Variants in LRMDA observed in about 807,000 individuals in gnomAD.
LRMDA encodes the protein leucine-rich melanocyte differentiation-associated protein.
A neutral mutation model predicts 29.8 loss-of-function variants in LRMDA; 18 were observed. That is an observed-to-expected ratio of 0.60 (90% CI 0.42 to 0.90). The LOEUF is 0.90. Among genes scored for constraint, LRMDA ranks in the 40% least tolerant of loss-of-function variants. The pLI is 0.00. For synonymous variants in LRMDA, 125 were observed against 109.4 expected (o/e 1.14, Z -0.89); for missense variants, 273 against 273.9 (o/e 1.00, Z 0.02).
At chr10:76,369,123 G>T (rs184873410) in intron 6 of LRMDA, among the ~76,000 whole-genome samples, 10 of 152,274 alleles carry the variant, frequency 6.6e-5, no homozygotes, top group South Asian at 2.1e-4. Context: ...GAAATGTGAG[G>T]TGCTGTTGCT....
chr10:76,220,834 A>G (rs1851819282), intron 5 of LRMDA, among the ~76,000 whole-genome samples: 1 of 152,222 alleles, frequency 6.6e-6, no homozygotes, highest in Non-Finnish European at 1.5e-5. Context: ...AGAACTTTAG[A>G]CCAATATCCT....
chr10:76,362,923 A>T (rs1475593382), intron 6 of LRMDA, among the ~76,000 whole-genome samples: 2 of 151,368 alleles, frequency 1.3e-5, no homozygotes, highest in East Asian at 1.9e-4. Flanking sequence ...CTGATTTTCT[A>T]TTTTACCAGC....
At chr10:75,951,072 C>T (rs1203985516) in intron 2 of LRMDA, among the ~76,000 whole-genome samples, 1 of 152,180 alleles carries the variant, frequency 6.6e-6, no homozygotes, top group African/African-American at 2.4e-5. Flanking sequence ...TCATTCCTGG[C>T]AGCTGCTACC....
At chr10:75,452,250 C>T (rs1844469783) in intron 2 of LRMDA, among the ~76,000 whole-genome samples, 5 of 152,050 alleles carry the variant, frequency 3.3e-5, no homozygotes, top group South Asian at 2.1e-4. Flanking sequence ...TTTTTGTTGG[C>T]GTCTCGATGC....
At chr10:75,620,652 A>G (rs1243890695) in intron 2 of LRMDA, among the ~76,000 whole-genome samples, 1 of 152,040 alleles carries the variant, frequency 6.6e-6, no homozygotes. Flanking sequence ...CATCACTCCA[A>G]TTTTGACTTG....
intron 6 of LRMDA, among the ~76,000 whole-genome samples, chr10:76,399,320 C>T (rs1841823195): frequency 1.3e-5 from 2 of 152,278 alleles, no homozygotes; most frequent in South Asian, 4.1e-4. Flanking sequence ...AAGTAGTTGG[C>T]TCTTGGCAGA....
At chr10:76,230,553 G>T (rs1298112812) in intron 5 of LRMDA, among the ~76,000 whole-genome samples, 1 of 117,188 alleles carries the variant, frequency 8.5e-6, no homozygotes. Context: ...TGTTAAGAGG[G>T]CAAAAAAAAA....
chr10:76,256,036 A>G (rs1175208805), intron 5 of LRMDA, among the ~76,000 whole-genome samples: 1 of 152,224 alleles, frequency 6.6e-6, no homozygotes, highest in African/African-American at 2.4e-5. Context: ...AGCTCTCTCA[A>G]GAAAATCTGA....
intron 6 of LRMDA, among the ~76,000 whole-genome samples, chr10:76,333,580 A>G (rs981761457): frequency 6.6e-6 from 1 of 152,160 alleles, no homozygotes; most frequent in Non-Finnish European, 1.5e-5. Flanking sequence ...TATGGCCACT[A>G]TGGAGTTGTT....
At chr10:75,914,324 T>G (rs1845894781) in intron 2 of LRMDA, among the ~76,000 whole-genome samples, 1 of 152,226 alleles carries the variant, frequency 6.6e-6, no homozygotes, top group African/African-American at 2.4e-5. Flanking sequence ...CTATTCGTGT[T>G]ACTTTACTCC....
intron 6 of LRMDA, among the ~76,000 whole-genome samples, chr10:76,379,512 G>A (rs1248732509): frequency 2.6e-5 from 4 of 152,106 alleles, no homozygotes; most frequent in Non-Finnish European, 1.5e-5. Flanking sequence ...GCATAGAAAT[G>A]CCCATAGTAG....
At chr10:76,545,310 G>A (rs181194050) in intron 6 of LRMDA, among the ~76,000 whole-genome samples, 67 of 151,682 alleles carry the variant, frequency 4.4e-4, no homozygotes, top group Admixed American at 2.4e-3. Flanking sequence ...TGCTTTTGAT[G>A]TAAGCTCTCT....
intron 2 of LRMDA, among the ~76,000 whole-genome samples, chr10:75,998,183 G>C (rs146142376): frequency 6.6e-5 from 10 of 152,194 alleles, no homozygotes; most frequent in African/African-American, 2.4e-4. Context: ...TGCTGTTCCT[G>C]GTGCATGACA....
At chr10:75,997,467 A>ATTTTT (rs11314151) in intron 2 of LRMDA, among the ~76,000 whole-genome samples, 1 of 141,876 alleles carries the variant, frequency 7.0e-6, no homozygotes, top group Non-Finnish European at 1.5e-5. Context: ...ACATACATCT[A>ATTTTT]TTTTTTTTTT....
At chr10:75,640,100 TTAA>T (rs1841434178) in intron 2 of LRMDA, among the ~76,000 whole-genome samples, 2 of 152,258 alleles carry the variant, frequency 1.3e-5, no homozygotes, top group South Asian at 4.1e-4. Flanking sequence ...TCCTGAGGGA[TTAA>T]TCTTAGGTAT....
intron 6 of LRMDA, among the ~76,000 whole-genome samples, chr10:76,550,594 G>A (rs1271938832): frequency 1.3e-5 from 2 of 150,234 alleles, no homozygotes; most frequent in African/African-American, 4.9e-5. Context: ...ATGATAAACC[G>A]AGACACTTGC....
chr10:76,516,980 TTAAA>T (rs1271560087), intron 6 of LRMDA, among the ~76,000 whole-genome samples: 1 of 152,108 alleles, frequency 6.6e-6, no homozygotes, highest in African/African-American at 2.4e-5. Context: ...AAACCCACAG[TTAAA>T]TAGACTATCA....
chr10:75,554,491 T>A (rs1840190379), intron 2 of LRMDA, among the ~76,000 whole-genome samples: 1 of 152,208 alleles, frequency 6.6e-6, no homozygotes, highest in South Asian at 2.1e-4. Flanking sequence ...ACCGATCAGT[T>A]ATTTAGCCCC....
chr10:76,299,157 G>A (rs1840447960), intron 5 of LRMDA, among the ~76,000 whole-genome samples: 1 of 8,332 alleles, frequency 1.2e-4, no homozygotes, highest in Non-Finnish European at 3.4e-4. Flanking sequence ...GAGAAGAGCC[G>A]TGTGTGTGTG....
Sources: allele counts gnomAD v4.1 joint callset (sites outside exome capture counted in the v4.1 genomes callset), GRCh38; gene constraint gnomAD v4.1.1; transcripts MANE v1.5; gene names NCBI Gene and HGNC (gene_info 2026-07-23, HGNC 2026-07-21).